The following STXBP3 variants were observed in gnomAD, a reference collection of about 807,000 sequenced individuals.
The protein encoded by STXBP3 is syntaxin-binding protein 3.
Under a neutral mutation model 85.7 loss-of-function variants are expected in STXBP3, and 41 were observed. The ratio of observed to expected loss-of-function variants is 0.48; its 90% confidence interval spans 0.37 to 0.62. STXBP3 has a LOEUF of 0.62. Ranked by LOEUF, STXBP3 falls within the 20% of genes least tolerant of loss-of-function variation. The pLI is 0.00. For synonymous variants in STXBP3, 229 were observed against 231.7 expected (o/e 0.99, Z 0.10); for missense variants, 563 against 703.1 (o/e 0.80, Z 2.25).
At chr1:108,793,815 A>C (rs556158811) in intron 12 of STXBP3, among the ~76,000 whole-genome samples, 168 bp downstream of exon 12, 2 of 152,220 alleles carry the variant, frequency 1.3e-5, no homozygotes, top group Non-Finnish European at 2.9e-5. Flanking sequence ...AAGCTTCTTC[A>C]TAACTTCTCT....
intron 1 of STXBP3, among the ~76,000 whole-genome samples, chr1:108,750,699 G>C (rs1557798498): frequency 6.6e-6 from 1 of 152,098 alleles, no homozygotes; most frequent in African/African-American, 2.4e-5. Context: ...GACTCCACAG[G>C]TTTAAGGGCT....
chr1:108,783,871 G>A (rs1446084762), intron 11 of STXBP3, among the ~76,000 whole-genome samples: 5 of 152,144 alleles, frequency 3.3e-5, no homozygotes, highest in African/African-American at 2.4e-5. Context: ...GCACGAGATG[G>A]TATCTTATTG....
intron 11 of STXBP3, among the ~76,000 whole-genome samples, chr1:108,792,811 C>T (rs1170340687): frequency 2.6e-5 from 4 of 152,192 alleles, no homozygotes; most frequent in African/African-American, 9.6e-5. Flanking sequence ...GTTGTAACTT[C>T]ATGTTAGACA....
At chr1:108,746,859 C>G (rs1474152614) in intron 1 of STXBP3, 73 bp downstream of exon 1, 1 of 1,493,330 alleles carries the variant, frequency 6.7e-7, no homozygotes, top group Non-Finnish European at 9.1e-7. Context: ...TTTTGCAGCC[C>G]CAACCCAGCG....
At chr1:108,804,984 T>A (rs896918746) in intron 17 of STXBP3, among the ~76,000 whole-genome samples, 2 of 152,246 alleles carry the variant, frequency 1.3e-5, no homozygotes, top group Non-Finnish European at 2.9e-5. Flanking sequence ...ACTTGTTTAC[T>A]CTCAGCTATG....
chr1:108,778,427 T>C (rs1003829593), intron 8 of STXBP3, among the ~76,000 whole-genome samples: 1 of 152,208 alleles, frequency 6.6e-6, no homozygotes, highest in African/African-American at 2.4e-5. Flanking sequence ...TTAGTTGGTA[T>C]CAGTACAGTC....
intron 6 of STXBP3, chr1:108,767,192 A>G (rs1311934140): frequency 4.3e-6 from 1 of 233,980 alleles, no homozygotes; most frequent in East Asian, 1.4e-4. Flanking sequence ...CCCATTCATT[A>G]CTAAAAGTAG....
At chr1:108,771,372 A>G (rs1438873955) in intron 6 of STXBP3, among the ~76,000 whole-genome samples, 1 of 122,530 alleles carries the variant, frequency 8.2e-6, no homozygotes, top group East Asian at 2.0e-4. Context: ...ATATATCTAT[A>G]TATATATAAT....
At chr1:108,772,489 C>CAT (rs1172851523) in intron 6 of STXBP3, among the ~76,000 whole-genome samples, 176 bp from the exon 7 acceptor site, 7 of 142,948 alleles carry the variant, frequency 4.9e-5, no homozygotes, top group African/African-American at 1.5e-4. Context: ...TATATAAATA[C>CAT]ATGATATCTA....
chr1:108,764,302 G>C (rs1327840660), intron 6 of STXBP3, among the ~76,000 whole-genome samples: 1 of 152,050 alleles, frequency 6.6e-6, no homozygotes, highest in African/African-American at 2.4e-5. Context: ...GTCTCCCACT[G>C]ATGGGCATTT....
chr1:108,768,651 A>G (rs1010571379), intron 6 of STXBP3, among the ~76,000 whole-genome samples: 2 of 152,150 alleles, frequency 1.3e-5, no homozygotes, highest in Non-Finnish European at 2.9e-5. Context: ...AAAAATAATG[A>G]CAGAAAATTA....
chr1:108,795,918 T>C (rs1663079979), intron 13 of STXBP3, among the ~76,000 whole-genome samples: 3 of 151,246 alleles, frequency 2.0e-5, no homozygotes, highest in Non-Finnish European at 2.9e-5. Context: ...CAGGCTAGAG[T>C]GCAATGGCCC....
chr1:108,800,707 A>AT lies in STXBP3; in HGVS notation c.1535+406dup, dbSNP rs561305941. Among the ~76,000 whole-genome samples the AT allele has an allele frequency of 2.5e-3, 381 of 152,114 alleles. 2 individuals are homozygous for AT. The highest frequency in any genetic ancestry group is 0.01 in the Middle Eastern group (3 of 294). On this transcript the variant is annotated intron_variant, in intron 17 of 18. Transcript: ENST00000370008. Reference sequence around the variant, plus strand: ...CTGTATATCACACTATGGTTTTATTATTTTCCCTTATTTTCTGTCCTGAAT... The same window carrying AT: ...CTGTATATCACACTATGGTTTTATTATTTTTCCCTTATTTTCTGTCCTGAAT...
intron 6 of STXBP3, among the ~76,000 whole-genome samples, chr1:108,765,401 C>A (rs982031166): frequency 6.6e-6 from 1 of 152,268 alleles, no homozygotes; most frequent in African/African-American, 2.4e-5. Context: ...ATTTTTGGTG[C>A]CATGTGGCTT....
At chr1:108,778,820 T>C (rs561276030) in intron 8 of STXBP3, among the ~76,000 whole-genome samples, 56 of 152,318 alleles carry the variant, frequency 3.7e-4, no homozygotes, top group African/African-American at 1.3e-3. Context: ...GAGGGTTGGT[T>C]CCAGGACCTC....
rs114574600 is a variant in STXBP3, at chr1:108,793,606, C to T, written c.988C>T (p.Leu330=). 1.3e-3 allele frequency: 2,024 copies of T among 1,612,194 alleles called. 22 individuals are homozygous for T. In the African/African-American group the frequency reaches 0.024, roughly 19 times the overall value. ...GACATCACTTAGTGCTCTTACCCAG[C>T]TGATGAAAAAGATGCCCCATTTCCG... The part of the protein sequence containing the change: ...GKTSLSALTQ[L]MKKMPHFRKQ... Residue 330 remains leucine (L), a synonymous_variant, in exon 12 of 19, where the codon CTG becomes TTG. Transcript: ENST00000370008.
chr1:108,803,178 T>G (rs1663266562), intron 17 of STXBP3, among the ~76,000 whole-genome samples: 1 of 152,234 alleles, frequency 6.6e-6, no homozygotes, highest in Non-Finnish European at 1.5e-5. Flanking sequence ...TGTAGCAGTT[T>G]ATTACTAAGC....
chr1:108,757,304 G>A (rs192597414), intron 4 of STXBP3, among the ~76,000 whole-genome samples: 151 of 152,028 alleles, frequency 9.9e-4, no homozygotes, highest in African/African-American at 3.4e-3. Flanking sequence ...CAATATCTGA[G>A]AATGCATTTT....
chr1:108,752,924 A>T, intron 2 of STXBP3, 139 bp from the exon 3 acceptor site: 1 of 520,620 alleles, frequency 1.9e-6, no homozygotes, highest in Non-Finnish European at 3.3e-6. Flanking sequence ...CTCATGCAAG[A>T]TAAAAGATGA....
Sources: allele counts gnomAD v4.1 joint callset (sites outside exome capture counted in the v4.1 genomes callset), GRCh38; gene constraint gnomAD v4.1.1; transcripts MANE v1.5; gene names NCBI Gene and HGNC (gene_info 2026-07-23, HGNC 2026-07-21).